Variants in NCKAP5 observed in about 807,000 individuals in gnomAD.
NCKAP5 encodes NCK associated protein 5.
A neutral mutation model predicts 167.0 loss-of-function variants in NCKAP5; 92 were observed. The observed-to-expected ratio is 0.55, with a 90% CI of 0.47 to 0.66. NCKAP5 has a LOEUF of 0.66. Ranked by LOEUF, NCKAP5 falls within the 30% of genes least tolerant of loss-of-function variation. The pLI, the probability that NCKAP5 is intolerant of heterozygous loss-of-function variation, is 0.00. For missense variants in NCKAP5, 2,378 were observed against 2,315.0 expected (o/e 1.03, Z -0.56); for synonymous variants, 891 against 877.4 (o/e 1.02, Z -0.27).
rs183541917 is a variant in NCKAP5, at chr2:132,783,319, G to A, written c.3492C>T (p.Ser1164=). 1,210 of 1,613,924 alleles carry A rather than the reference G, an allele frequency of 7.5e-4. 1 individual carries two copies. The highest frequency in any genetic ancestry group is 1.1e-3 in the Admixed American group (69 of 60,004). ...MKSPQLLRKS[S]TVPGKHEKDS... is the part of the protein sequence containing the mutation. ...CTTTTTCATGTTTCCCTGGCACGGTGGAACTTTTCCTGAGCAGCTGGGGAG... is the reference window on the plus strand; with the variant it reads ...CTTTTTCATGTTTCCCTGGCACGGTAGAACTTTTCCTGAGCAGCTGGGGAG... Residue 1164 remains serine (S), a synonymous_variant, in exon 14 of 20, where the codon TCC becomes TCT. Transcript: ENST00000409261.
intron 16 of NCKAP5, among the ~76,000 whole-genome samples, chr2:132,771,999 T>C (rs1426973790): frequency 3.3e-5 from 5 of 151,982 alleles, no homozygotes; most frequent in Admixed American, 1.3e-4. Context: ...CCGATACTCG[T>C]ATTTTTTTTA....
At position 132,777,773 on chromosome 2, in the gene NCKAP5, T is replaced by C. The variant is rs184103492; in HGVS notation, c.5049+3279A>G. On this transcript the variant is annotated intron_variant, in intron 15 of 19. Transcript: ENST00000409261. ...AGATGATAACAATTTGTGTAATTAT[T>C]GTACTATTTTCTGCCATTTTATCAC... 3.5e-3 allele frequency among the ~76,000 whole-genome samples: 531 copies of C among 152,304 alleles called. 4 individuals are homozygous for C. The highest frequency in any genetic ancestry group is 9.1e-3 in the South Asian group (44 of 4,824).
intron 8 of NCKAP5, among the ~76,000 whole-genome samples, chr2:132,902,106 A>C (rs909241161): frequency 6.6e-6 from 1 of 152,240 alleles, no homozygotes; most frequent in Non-Finnish European, 1.5e-5. Flanking sequence ...CCATGATAAT[A>C]AACCCGATTT....
intron 3 of NCKAP5, among the ~76,000 whole-genome samples, chr2:133,396,854 A>C (rs1687762007): frequency 6.6e-6 from 1 of 152,224 alleles, no homozygotes. Flanking sequence ...TGGAACTGTA[A>C]GTATAATGGG....
At chr2:133,467,886 T>C (rs1370855891) in intron 3 of NCKAP5, among the ~76,000 whole-genome samples, 1 of 133,940 alleles carries the variant, frequency 7.5e-6, no homozygotes, top group Non-Finnish European at 1.6e-5. Flanking sequence ...TTGTGTCTAT[T>C]TGATTCTTCT....
intron 6 of NCKAP5, among the ~76,000 whole-genome samples, chr2:133,037,922 A>G (rs2149445156): frequency 6.6e-6 from 1 of 152,200 alleles, no homozygotes; most frequent in East Asian, 1.9e-4. Context: ...ACCAGAATAT[A>G]CTTGTCCCAG....
At chr2:132,688,032 A>G (rs1686195551) in intron 19 of NCKAP5, among the ~76,000 whole-genome samples, 3 of 152,316 alleles carry the variant, frequency 2.0e-5, no homozygotes, top group Admixed American at 2.0e-4. Flanking sequence ...AACGACTACA[A>G]AACACCCTTG....
chr2:133,421,508 A>G (rs1689476483), intron 3 of NCKAP5, among the ~76,000 whole-genome samples: 1 of 152,200 alleles, frequency 6.6e-6, no homozygotes, highest in South Asian at 2.1e-4. Context: ...AGAGAGATTC[A>G]AATAGAATTC....
intron 4 of NCKAP5, among the ~76,000 whole-genome samples, chr2:133,298,224 A>T (rs1284622153): frequency 1.3e-5 from 2 of 152,234 alleles, no homozygotes; most frequent in Non-Finnish European, 2.9e-5. Flanking sequence ...TTCAATAAAT[A>T]GTATATAAAT....
intron 5 of NCKAP5, among the ~76,000 whole-genome samples, chr2:133,143,120 G>A (rs2149845782): frequency 6.6e-6 from 1 of 151,734 alleles, no homozygotes; most frequent in East Asian, 1.9e-4. Flanking sequence ...GGCCTTGAAT[G>A]TTATGTACAT....
intron 5 of NCKAP5, 43 bp from the exon 6 acceptor site, chr2:133,130,154 T>C (rs772481599): frequency 1.3e-6 from 2 of 1,572,602 alleles, no homozygotes; most frequent in South Asian, 1.2e-5. Context: ...AAGGTGTTTA[T>C]GACAAAAATA....
the NCKAP5 span, among the ~76,000 whole-genome samples, chr2:133,664,798 G>A: frequency 2.6e-5 from 4 of 151,894 alleles, no homozygotes; most frequent in African/African-American, 4.8e-5. Flanking sequence ...GCACCCAGCC[G>A]AAAATCTGTT....
In NCKAP5 at chr2:132,708,649, G is replaced by T. The variant is rs149756979; in HGVS notation, c.5713+16978C>A. Among the ~76,000 whole-genome samples the T allele has an allele frequency of 3.1e-3, 465 of 152,320 alleles. 1 individual carries two copies. The highest frequency in any genetic ancestry group is 0.01 in the African/African-American group (431 of 41,572). ...GGAAACTCACCATCCTGAGGGAAAG[G>T]ACACAAGCCCGGCTGGCTTCGCCAC... On this transcript the variant is annotated intron_variant, in intron 19 of 19. Transcript: ENST00000409261.
chr2:132,693,730 A>T (rs1239446734), intron 19 of NCKAP5, among the ~76,000 whole-genome samples: 2 of 146,252 alleles, frequency 1.4e-5, no homozygotes, highest in Non-Finnish European at 3.0e-5. Flanking sequence ...AGTTCAAGCG[A>T]TTCTCCTGCC....
intron 3 of NCKAP5, among the ~76,000 whole-genome samples, chr2:133,314,317 A>G (rs1681452818): frequency 6.6e-6 from 1 of 152,122 alleles, no homozygotes; most frequent in Non-Finnish European, 1.5e-5. Context: ...TAGGGAAAAC[A>G]CATTTGTTTG....
At chr2:133,249,998 T>TTTATTATTATTATTA (rs10685479) in intron 4 of NCKAP5, among the ~76,000 whole-genome samples, 37,436 of 137,858 alleles carry the variant, frequency 0.27, 5,353 homozygotes, top group East Asian at 0.37. Flanking sequence ...CACCAAGGGT[T>TTTATTATTATTATTA]TTATTATTAT....
intron 7 of NCKAP5, among the ~76,000 whole-genome samples, chr2:132,982,868 A>G (rs1000535903): frequency 2.6e-5 from 4 of 152,242 alleles, no homozygotes; most frequent in Admixed American, 2.6e-4. Context: ...ATGGCTGGGT[A>G]GTATTCTGTG....
At chr2:132,987,888 C>T (rs1249681541) in intron 7 of NCKAP5, among the ~76,000 whole-genome samples, 1 of 152,154 alleles carries the variant, frequency 6.6e-6, no homozygotes, top group Non-Finnish European at 1.5e-5. Context: ...TTCTCTGTGC[C>T]TCAGTTTCCT....
At chr2:133,305,525 A>C (rs1048337346) in intron 3 of NCKAP5, among the ~76,000 whole-genome samples, 15 of 152,202 alleles carry the variant, frequency 9.9e-5, no homozygotes, top group African/African-American at 3.1e-4. Flanking sequence ...TACAAGGTGA[A>C]GGCATTATTC....
Sources: allele counts gnomAD v4.1 joint callset (sites outside exome capture counted in the v4.1 genomes callset), GRCh38; gene constraint gnomAD v4.1.1; transcripts MANE v1.5; gene names NCBI Gene and HGNC (gene_info 2026-07-23, HGNC 2026-07-21).